Variants in MYO16 observed in about 807,000 individuals in gnomAD.
MYO16 encodes myosin XVI.
MYO16 carries 94 observed loss-of-function variants against 205.3 expected under a neutral mutation model. The ratio of observed to expected loss-of-function variants is 0.46; its 90% CI spans 0.39 to 0.54. The LOEUF (loss-of-function observed/expected upper bound fraction) is 0.54, where lower values mean the gene tolerates loss of function less well. Among genes scored for constraint, MYO16 ranks in the 20% least tolerant of loss-of-function variants. MYO16 has a pLI of 0.00. For missense variants in MYO16, 2,315 were observed against 2,387.5 expected (o/e 0.97, Z 0.63); for synonymous variants, 988 against 954.0 (o/e 1.04, Z -0.66).
rs1885826737 is a variant in MYO16 at position 109,016,618 on chromosome 13, A to T, written c.2596-3093A>T. Among the ~76,000 whole-genome samples the T allele has an allele frequency of 4.0e-5, 5 of 126,510 alleles. No individual in the cohort carries two copies. The South Asian group carries it at 1.4e-3, about 36-fold the overall frequency. 83.0% of individuals were successfully genotyped at this position (126,510 alleles called of 152,430 possible). ...TAAATCTCTTTGTAGGTCTCTAAGG[A>T]CTTGCTTTATGAATCTAGGTGCTCT... On this transcript the variant is annotated intron_variant, in intron 22 of 34. Transcript: ENST00000457511.
At chr13:108,915,389 A>G (rs1881451991) in intron 16 of MYO16, among the ~76,000 whole-genome samples, 1 of 152,262 alleles carries the variant, frequency 6.6e-6, no homozygotes, top group Non-Finnish European at 1.5e-5. Context: ...CAAGAAATTA[A>G]AATAAAAACA....
rs773676383 is a variant in MYO16 at position 109,100,805 on chromosome 13, C to T, written c.3356C>T (p.Thr1119Ile). ...FLSRYKPLAD[T>I]FLREKKEQSA... ...CACAGGTATAAGCCACTGGCTGATA[C>T]ATTCCTGCGTGAGAAGAAGGAACAG... Residue 1119 changes from threonine (T) to isoleucine (I), a missense_variant, in exon 28 of 35, where the codon ACA (threonine) becomes ATA (isoleucine). Thr to Ile is a moderately conservative substitution (Grantham distance 89, BLOSUM62 -1). This residue lies in a region of MYO16 where 1,097 missense variants were observed against 1,092.0 expected (regional missense o/e 1.00). Transcript: ENST00000457511. 23 of 1,613,392 alleles carry T rather than the reference C, an allele frequency of 1.4e-5. No individual in the cohort carries two copies. The highest frequency in any genetic ancestry group is 2.2e-5 in the East Asian group (1 of 44,882).
intron 9 of MYO16, among the ~76,000 whole-genome samples, chr13:108,828,197 G>A (rs973854472): frequency 6.6e-6 from 1 of 152,108 alleles, no homozygotes; most frequent in Non-Finnish European, 1.5e-5. Context: ...CTCATGCCAG[G>A]CGTGTGCTAA....
At chr13:108,866,793 A>AT (rs1350618187) in intron 12 of MYO16, among the ~76,000 whole-genome samples, 1 of 152,150 alleles carries the variant, frequency 6.6e-6, no homozygotes, top group African/African-American at 2.4e-5. Flanking sequence ...CATAGGAGCT[A>AT]TTTTTTGTGT....
chr13:108,749,426 A>G (rs1484812848), intron 4 of MYO16, among the ~76,000 whole-genome samples: 2 of 152,196 alleles, frequency 1.3e-5, no homozygotes, highest in East Asian at 3.9e-4. Context: ...AACAATAAGA[A>G]AACAAACAAC....
At chr13:108,734,218 A>G (rs1884617312) in intron 4 of MYO16, among the ~76,000 whole-genome samples, 2 of 151,520 alleles carry the variant, frequency 1.3e-5, no homozygotes, top group South Asian at 4.1e-4. Flanking sequence ...GCACTTATAC[A>G]TATATTATTA....
intron 12 of MYO16, among the ~76,000 whole-genome samples, chr13:108,867,737 G>T (rs1054316935): frequency 2.0e-5 from 3 of 152,152 alleles, no homozygotes; most frequent in Non-Finnish European, 2.9e-5. Flanking sequence ...ATTTATAAAA[G>T]TCATGACACT....
intron 6 of MYO16, among the ~76,000 whole-genome samples, chr13:108,804,001 CCTTGTGG>C (rs1887040271): frequency 6.6e-6 from 1 of 152,110 alleles, no homozygotes; most frequent in Non-Finnish European, 1.5e-5. Flanking sequence ...TTAGTGTTAT[CCTTGTGG>C]CTTGACCTCA....
upstream of MYO16, among the ~76,000 whole-genome samples, chr13:108,591,375 C>T (rs1306852277): frequency 6.6e-6 from 1 of 152,090 alleles, no homozygotes; most frequent in East Asian, 1.9e-4. Context: ...GAGGAGCATT[C>T]AGTGCTTCTT....
At chr13:108,712,255 CT>C (rs2139548246) in intron 2 of MYO16, among the ~76,000 whole-genome samples, 1 of 152,242 alleles carries the variant, frequency 6.6e-6, no homozygotes, top group Non-Finnish European at 1.5e-5. Context: ...ACTTTTATTG[CT>C]TTAAGCCAAT....
the MYO16 span, among the ~76,000 whole-genome samples, chr13:108,499,837 T>A: frequency 6.6e-6 from 1 of 152,244 alleles, no homozygotes; most frequent in African/African-American, 2.4e-5. Context: ...ATTTCTGTGA[T>A]GTGCTTATTT....
chr13:108,571,014 T>A, the MYO16 span, among the ~76,000 whole-genome samples: 3 of 152,188 alleles, frequency 2.0e-5, no homozygotes, highest in Admixed American at 2.0e-4. Context: ...GTTATTATAA[T>A]TTTGGGTTTT....
At chr13:108,604,320 T>A (rs2139304996) in intron 1 of MYO16, among the ~76,000 whole-genome samples, 1 of 152,238 alleles carries the variant, frequency 6.6e-6, no homozygotes, top group Non-Finnish European at 1.5e-5. Flanking sequence ...GAAAAAGACA[T>A]CCCTGCACCA....
intron 12 of MYO16, among the ~76,000 whole-genome samples, chr13:108,870,144 A>C (rs1878976206): frequency 6.6e-6 from 1 of 151,958 alleles, no homozygotes; most frequent in Non-Finnish European, 1.5e-5. Flanking sequence ...ATTGAATTTT[A>C]TCAAATGTAA....
At chr13:108,970,184 C>T (rs1883957104) in intron 20 of MYO16, among the ~76,000 whole-genome samples, 1 of 152,144 alleles carries the variant, frequency 6.6e-6, no homozygotes, top group African/African-American at 2.4e-5. Context: ...CAGAATTGTT[C>T]ACAACTTTTC....
At chr13:109,037,242 C>T (rs901725600) in intron 23 of MYO16, among the ~76,000 whole-genome samples, 1 of 152,212 alleles carries the variant, frequency 6.6e-6, no homozygotes, top group Non-Finnish European at 1.5e-5. Flanking sequence ...TTTGTTTCTT[C>T]TCTATGCGAA....
At chr13:108,603,863 A>G (rs1295160023) in intron 1 of MYO16, among the ~76,000 whole-genome samples, 1 of 152,182 alleles carries the variant, frequency 6.6e-6, no homozygotes, top group Non-Finnish European at 1.5e-5. Context: ...ATCAATAACA[A>G]ATACATTCAA....
At chr13:108,583,646 C>G in the MYO16 span, among the ~76,000 whole-genome samples, 2 of 152,072 alleles carry the variant, frequency 1.3e-5, no homozygotes, top group African/African-American at 4.8e-5. Context: ...TTCAATGCAT[C>G]CATTGACGAA....
At chr13:108,821,067 G>T (rs1268974184) in intron 8 of MYO16, among the ~76,000 whole-genome samples, 1 of 151,680 alleles carries the variant, frequency 6.6e-6, no homozygotes, top group Non-Finnish European at 1.5e-5. Context: ...AGTAAAAAGA[G>T]TTCTGAATAA....
Sources: gnomAD v4.1 joint callset for allele counts (sites outside exome capture counted in the v4.1 genomes callset) on GRCh38, gnomAD v4.1.1 for gene constraint, gnomAD v4.1.1 regional missense constraint, MANE v1.5 for transcripts, NCBI Gene and HGNC (gene_info 2026-07-23, HGNC 2026-07-21) for gene names.